The following FOXN3 variants were observed in gnomAD, a reference collection of about 807,000 sequenced individuals.
The protein encoded by FOXN3 is forkhead box protein N3.
FOXN3 carries 7 observed loss-of-function variants against 38.4 expected under a neutral mutation model. The observed-to-expected ratio is 0.18, with a 90% CI of 0.10 to 0.34. FOXN3 has a LOEUF of 0.34. FOXN3 is among the 10% of genes least tolerant of loss of function. The pLI, the probability that FOXN3 is intolerant of heterozygous loss-of-function variation, is 1.00. For synonymous variants in FOXN3, 230 were observed against 242.2 expected, an observed-to-expected ratio of 0.95 and a Z score of 0.47; for missense variants, 456 against 613.4, an observed-to-expected ratio of 0.74 and a Z score of 2.71.
intron 1 of FOXN3, among the ~76,000 whole-genome samples, chr14:89,560,111 C>CA (rs1306372201): frequency 6.6e-6 from 1 of 152,124 alleles, no homozygotes; most frequent in Non-Finnish European, 1.5e-5. Context: ...GGGAAGCAGG[C>CA]AAAATCTTCA....
chr14:89,441,947 G>T (rs1892394970), intron 1 of FOXN3, among the ~76,000 whole-genome samples: 1 of 113,598 alleles, frequency 8.8e-6, no homozygotes. Flanking sequence ...TTTTTTTTGA[G>T]ATGGAGTTTC....
At chr14:89,585,661 A>G (rs1259687458) in intron 1 of FOXN3, among the ~76,000 whole-genome samples, 1 of 151,978 alleles carries the variant, frequency 6.6e-6, no homozygotes. Context: ...AAGAAATAAT[A>G]GGCCGGTCTG....
chr14:89,359,648 T>C (rs763779077), intron 2 of FOXN3, among the ~76,000 whole-genome samples: 1 of 152,196 alleles, frequency 6.6e-6, no homozygotes, highest in Admixed American at 6.5e-5. Flanking sequence ...CTTTGAGTCA[T>C]GTCTTCGTGC....
chr14:89,490,558 C>T (rs945607563), intron 1 of FOXN3, among the ~76,000 whole-genome samples: 2 of 152,212 alleles, frequency 1.3e-5, no homozygotes, highest in Non-Finnish European at 2.9e-5. Flanking sequence ...TTAAAATTCT[C>T]TCCTCTATAA....
chr14:89,611,720 G>T (rs570721199), intron 1 of FOXN3, among the ~76,000 whole-genome samples: 10 of 151,726 alleles, frequency 6.6e-5, no homozygotes, highest in African/African-American at 2.4e-4. Flanking sequence ...GCAGGAGAAC[G>T]GCGTGAACCT....
In FOXN3 at chr14:89,548,672, T is replaced by C. The variant is rs1894934757; in HGVS notation, c.-15+70356A>G. On this transcript the variant is annotated intron_variant, in intron 1 of 6. Coordinates refer to the FOXN3 transcript ENST00000345097. The surrounding 1 kb of genome is among the most constrained non-coding windows in gnomAD (Gnocchi z 4.8). Reference sequence around the variant, plus strand: ...ACCATAATAATGATGACTTTTCTTTTCAATTTATATATATGTATGTATGTA... The same window carrying C: ...ACCATAATAATGATGACTTTTCTTTCCAATTTATATATATGTATGTATGTA... Among the ~76,000 whole-genome samples, 1 of 152,330 alleles carries C rather than the reference T, an allele frequency of 6.6e-6. No individual in the cohort carries two copies. The highest frequency in any genetic ancestry group is 6.5e-5 in the Admixed American group (1 of 15,286).
At chr14:89,195,374 G>A (rs1888070984) in intron 4 of FOXN3, among the ~76,000 whole-genome samples, 1 of 152,224 alleles carries the variant, frequency 6.6e-6, no homozygotes, top group Non-Finnish European at 1.5e-5. Context: ...CTATAAAAAA[G>A]TCCAAATTTT....
upstream of FOXN3, chr14:89,417,442 G>C (rs1296869223): frequency 6.7e-6 from 1 of 148,320 alleles, no homozygotes; most frequent in Non-Finnish European, 1.5e-5. Context: ...TGGGCCGCGC[G>C]GCCTCGCCTC....
chr14:89,276,107 T>C (rs1886292009), intron 4 of FOXN3, among the ~76,000 whole-genome samples: 1 of 152,002 alleles, frequency 6.6e-6, no homozygotes, highest in African/African-American at 2.4e-5. Flanking sequence ...CAAATCCCCA[T>C]CTCTACTAAA....
At chr14:89,543,951 T>C (rs1229486993) in intron 1 of FOXN3, among the ~76,000 whole-genome samples, 4 of 152,190 alleles carry the variant, frequency 2.6e-5, no homozygotes, top group African/African-American at 2.4e-5. Flanking sequence ...ATATTAATGT[T>C]ATGAAGATGG....
chr14:89,463,086 T>G (rs376381158), intron 1 of FOXN3, among the ~76,000 whole-genome samples: 1 of 149,818 alleles, frequency 6.7e-6, no homozygotes, highest in East Asian at 2.0e-4. Context: ...GTCAGGAGAT[T>G]GAGAAGATCT....
chr14:89,493,254 A>T (rs80022812), intron 1 of FOXN3, among the ~76,000 whole-genome samples: 2,041 of 152,326 alleles, frequency 0.013, 15 homozygotes, highest in Middle Eastern at 0.031. Context: ...AAATAAAAAA[A>T]TTTTTTGACA....
intron 1 of FOXN3, among the ~76,000 whole-genome samples, chr14:89,592,249 G>A (rs993456569): frequency 6.6e-6 from 1 of 152,128 alleles, no homozygotes; most frequent in Non-Finnish European, 1.5e-5. Flanking sequence ...AACTAATAGA[G>A]TTTCTAAGTA....
chr14:89,407,536 A>T (rs1026249135), intron 2 of FOXN3, among the ~76,000 whole-genome samples: 20 of 152,312 alleles, frequency 1.3e-4, no homozygotes, highest in African/African-American at 4.8e-4. Flanking sequence ...TCTGCTTCAA[A>T]CTACTTCAGC....
At chr14:89,509,492 G>T (rs1034934223) in intron 1 of FOXN3, among the ~76,000 whole-genome samples, 1 of 151,914 alleles carries the variant, frequency 6.6e-6, no homozygotes, top group Non-Finnish European at 1.5e-5. Context: ...CCACCACCAC[G>T]CCTGGCTTAT....
chr14:89,172,455 T>C (rs1887414175), intron 5 of FOXN3, among the ~76,000 whole-genome samples: 2 of 152,172 alleles, frequency 1.3e-5, no homozygotes, highest in African/African-American at 2.4e-5. Flanking sequence ...TCAGGAACCA[T>C]AATAGGGTGT....
At chr14:89,453,322 C>T (rs57783614) in intron 1 of FOXN3, among the ~76,000 whole-genome samples, 24,064 of 151,634 alleles carry the variant, frequency 0.16, 2,174 homozygotes, top group Middle Eastern at 0.26. Flanking sequence ...TTTGGGAGGC[C>T]GAGGCGGGCA....
chr14:89,490,092 C>T (rs1596295260), intron 1 of FOXN3, among the ~76,000 whole-genome samples: 2 of 152,258 alleles, frequency 1.3e-5, no homozygotes, highest in East Asian at 3.9e-4. Context: ...ATCTTTTTTG[C>T]CACAGTGCTG....
intron 4 of FOXN3, among the ~76,000 whole-genome samples, chr14:89,186,725 A>G (rs1438651148): frequency 6.6e-6 from 1 of 152,236 alleles, no homozygotes; most frequent in East Asian, 1.9e-4. Context: ...AAAAGGGCTA[A>G]TGTCACATGC....
Sources: allele counts gnomAD v4.1 joint callset (sites outside exome capture counted in the v4.1 genomes callset), GRCh38; gene constraint gnomAD v4.1.1; non-coding constraint Gnocchi (gnomAD v3.1); transcripts MANE v1.5; gene names NCBI Gene and HGNC (gene_info 2026-07-23, HGNC 2026-07-21).